PALD1: variants seen among roughly 807,000 people sequenced by gnomAD.
PALD1 encodes the protein phosphatase domain containing paladin 1, also known as paladin.
PALD1 carries 57 observed loss-of-function variants against 96.0 expected under a neutral mutation model. The observed-to-expected ratio is 0.59, with a 90% CI of 0.48 to 0.74. PALD1 has a LOEUF of 0.74. PALD1 is among the 30% of genes least tolerant of loss of function. PALD1 has a pLI of 0.00. For synonymous variants in PALD1, 464 were observed against 473.6 expected (o/e 0.98, Z 0.26); for missense variants, 1,063 against 1,143.7 (o/e 0.93, Z 1.02).
chr10:70,496,715 A>G lies in PALD1; in HGVS notation c.-30+17656A>G, dbSNP rs112324610. On this transcript the variant is annotated intron_variant, in intron 1 of 19. Transcript: ENST00000263563. The stretch of plus-strand genomic sequence containing the variant: ...GTGCTTGTGGATAAAGCTACTGTGA[A>G]CATTTTTGTGTCTTTTGATGAACAT... Among the ~76,000 whole-genome samples the G allele has an allele frequency of 5.9e-3, 891 of 152,252 alleles. 11 individuals are homozygous for G. Among genetic ancestry groups the G allele is most frequent in the African/African-American group, 0.02 (848 of 41,538 alleles).
intron 5 of PALD1, 52 bp downstream of exon 5, chr10:70,531,506 A>G (rs1328564072): frequency 6.5e-7 from 1 of 1,544,474 alleles, no homozygotes; most frequent in East Asian, 2.3e-5. Flanking sequence ...CCAGCTTTGC[A>G]GATGCTCTTT....
chr10:70,520,714 G>A (rs1382469987), intron 1 of PALD1, among the ~76,000 whole-genome samples: 2 of 132,836 alleles, frequency 1.5e-5, no homozygotes, highest in Non-Finnish European at 3.1e-5. Flanking sequence ...TTTTTGCGGT[G>A]GAGTGTTGCT....
chr10:70,538,636 C>T (rs916983500), intron 12 of PALD1, among the ~76,000 whole-genome samples: 2 of 152,210 alleles, frequency 1.3e-5, no homozygotes, highest in African/African-American at 4.8e-5. Flanking sequence ...GTCTCAAACC[C>T]AAGAGCTCTG....
chr10:70,552,688 T>C (rs1847505516), intron 18 of PALD1, among the ~76,000 whole-genome samples: 1 of 152,208 alleles, frequency 6.6e-6, no homozygotes, highest in African/African-American at 2.4e-5. Context: ...AGAAGGGGGA[T>C]CTTTTAAAGA....
intron 10 of PALD1, among the ~76,000 whole-genome samples, chr10:70,536,986 A>G (rs1435932773): frequency 6.6e-6 from 1 of 152,206 alleles, no homozygotes; most frequent in Non-Finnish European, 1.5e-5. Flanking sequence ...TGTGACTTTA[A>G]GGAAGTTACC....
rs145279548 is a variant in PALD1 at position 70,526,803 on chromosome 10, T to A, written c.185+667T>A. Among the ~76,000 whole-genome samples, 45 of 152,334 alleles carry A rather than the reference T, an allele frequency of 3.0e-4. No individual in the cohort carries two copies. In the East Asian group the frequency reaches 7.3e-3, roughly 25 times the overall value. ...TCTCCTGGTGCGTTGAGAAGCCTTG[T>A]ACTTTCCACACCTCTGCCCACTGTG... On this transcript the variant is annotated intron_variant, in intron 2 of 19. Coordinates refer to ENST00000263563, the MANE Select transcript of PALD1 (RefSeq NM_014431.3).
At chr10:70,490,904 T>C (rs2132270511) in intron 1 of PALD1, among the ~76,000 whole-genome samples, 1 of 152,316 alleles carries the variant, frequency 6.6e-6, no homozygotes, top group Non-Finnish European at 1.5e-5. Flanking sequence ...TGATTGAAGA[T>C]AAGCATGGAA....
At chr10:70,515,129 G>T (rs1173754814) in intron 1 of PALD1, among the ~76,000 whole-genome samples, 1 of 152,166 alleles carries the variant, frequency 6.6e-6, no homozygotes, top group Non-Finnish European at 1.5e-5. Flanking sequence ...TAAAGTGATG[G>T]AGAGACTCTG....
intron 17 of PALD1, among the ~76,000 whole-genome samples, chr10:70,544,359 TGAAGGCCCTG>T (rs1847318224): frequency 6.6e-6 from 1 of 152,012 alleles, no homozygotes; most frequent in Non-Finnish European, 1.5e-5. Context: ...GCCCATATTG[TGAAGGCCCTG>T]GAGGTTTGCA....
chr10:70,504,134 T>G (rs1283715758), intron 1 of PALD1, among the ~76,000 whole-genome samples: 1 of 152,262 alleles, frequency 6.6e-6, no homozygotes, highest in Non-Finnish European at 1.5e-5. Flanking sequence ...TTCTCAGGGC[T>G]CCTTTACACT....
chr10:70,492,448 C>CTTTTT lies in PALD1; in HGVS notation c.-30+13411_-30+13415dup, dbSNP rs1157960799. Among the ~76,000 whole-genome samples, 5 of 80,158 alleles carry CTTTTT rather than the reference C, an allele frequency of 6.2e-5. 1 individual carries two copies. Among genetic ancestry groups the CTTTTT allele is most frequent in the East Asian group, 9.4e-4 (2 of 2,120 alleles). 52.6% of individuals were successfully genotyped at this position (80,158 alleles called of 152,430 possible). ...TTACCAGAATTAAATGCATTTTTGA[C>CTTTTT]TTTTTTTTTTTTTTTTTTTTTTTTT... is the stretch of plus-strand genomic sequence containing the variant. On this transcript the variant is annotated intron_variant, in intron 1 of 19. Coordinates refer to ENST00000263563, the MANE Select transcript of PALD1 (RefSeq NM_014431.3).
chr10:70,465,137 G>C, the PALD1 span, among the ~76,000 whole-genome samples: 1 of 151,688 alleles, frequency 6.6e-6, no homozygotes, highest in Admixed American at 6.6e-5. Flanking sequence ...ACTATGCCCA[G>C]CTAATTTTTT....
chr10:70,478,225 G>A (rs1370183700), upstream of PALD1, among the ~76,000 whole-genome samples: 1 of 152,232 alleles, frequency 6.6e-6, no homozygotes, highest in African/African-American at 2.4e-5. Flanking sequence ...GGGACCGTCT[G>A]CTGTTTAGGG....
intron 10 of PALD1, among the ~76,000 whole-genome samples, 160 bp downstream of exon 10, chr10:70,535,003 G>T (rs1319029404): frequency 6.6e-6 from 1 of 152,224 alleles, no homozygotes. Context: ...TAGGGGCTCT[G>T]GGCCCACAGG....
In PALD1 at chr10:70,547,335, C is replaced by T. The variant is rs765683465; in HGVS notation, c.2151C>T (p.Pro717=). The change falls in exon 18 of 20, where the codon CCC becomes CCT. Residue 717 remains proline, a synonymous_variant. Transcript: ENST00000263563. ...QVVMKVVQLL[P]DGHRVKKEVD... ...TAATGAAGGTGGTGCAGCTGCTACC[C>T]GATGGGCACCGTGTGAAGAAGGAGG... 8 of 1,613,280 alleles carry T rather than the reference C, an allele frequency of 5.0e-6. No homozygotes were observed. Among genetic ancestry groups the T allele is most frequent in the African/African-American group, 2.7e-5 (2 of 74,886 alleles).
At chr10:70,559,016 G>A (rs563615697) in intron 18 of PALD1, among the ~76,000 whole-genome samples, 4 of 152,266 alleles carry the variant, frequency 2.6e-5, no homozygotes, top group South Asian at 2.1e-4. Context: ...TGTCATTTGC[G>A]TAGGAGGGCC....
intron 17 of PALD1, among the ~76,000 whole-genome samples, chr10:70,542,562 G>A (rs1389108442): frequency 6.6e-6 from 1 of 152,190 alleles, no homozygotes; most frequent in Non-Finnish European, 1.5e-5. Context: ...ATTTCACTGA[G>A]CATAATGTTC....
At chr10:70,494,777 C>T (rs1388493193) in intron 1 of PALD1, among the ~76,000 whole-genome samples, 2 of 152,198 alleles carry the variant, frequency 1.3e-5, no homozygotes, top group Non-Finnish European at 2.9e-5. Context: ...GGGGACTGGT[C>T]ATGTCCTCCA....
At chr10:70,474,603 AT>A (rs1030931447), upstream of PALD1, among the ~76,000 whole-genome samples, 1 of 152,106 alleles carries the variant, frequency 6.6e-6, no homozygotes, top group African/African-American at 2.4e-5. Flanking sequence ...AAGGCTAAGC[AT>A]TTTTTTGTGA....
Sources: allele counts gnomAD v4.1 joint callset (sites outside exome capture counted in the v4.1 genomes callset), GRCh38; gene constraint gnomAD v4.1.1; transcripts MANE v1.5; gene names NCBI Gene and HGNC (gene_info 2026-07-23, HGNC 2026-07-21).